LRRIQ3: variants seen among roughly 807,000 people sequenced by gnomAD.
LRRIQ3 encodes the protein leucine rich repeats and IQ motif containing 3.
Under a neutral mutation model 59.3 loss-of-function variants are expected in LRRIQ3, and 75 were observed. That is an observed-to-expected ratio of 1.26 (90% CI 1.05 to 1.53). The LOEUF is 1.53. Among genes scored for constraint, LRRIQ3 ranks in the 40% most tolerant of loss-of-function variants. The pLI is 0.00. For synonymous variants in LRRIQ3, 250 were observed against 231.3 expected, an observed-to-expected ratio of 1.08 and a Z score of -0.73; for missense variants, 831 against 710.0, an observed-to-expected ratio of 1.17 and a Z score of -1.94.
chr1:74,171,311 G>A (rs996989621), intron 3 of LRRIQ3, among the ~76,000 whole-genome samples: 1 of 152,058 alleles, frequency 6.6e-6, no homozygotes, highest in African/African-American at 2.4e-5. Flanking sequence ...TGCATTGAGG[G>A]AAACTCTTTC....
chr1:74,089,633 G>T (rs1484647544), intron 5 of LRRIQ3, among the ~76,000 whole-genome samples: 3 of 152,000 alleles, frequency 2.0e-5, no homozygotes, highest in Admixed American at 2.0e-4. Context: ...TAAATGCCAA[G>T]AATAGACAAA....
chr1:74,109,536 T>C lies in LRRIQ3; in HGVS notation c.725A>G (p.Lys242Arg). ...RKNLSPVFFH[K>R]KKQQEKIIRG... ...AATAATTTTTTCCTGCTGTTTTTTT[T>C]TGTGGAAAAACACAGGGCTGAATAT... is the stretch of plus-strand genomic sequence containing the variant. Residue 242 changes from lysine to arginine, a missense_variant, in exon 5 of 8, where the codon AAA becomes AGA. Coordinates refer to ENST00000354431, the MANE Select transcript of LRRIQ3 (RefSeq NM_001105659.2). The C allele has an allele frequency of 6.4e-7, 1 of 1,562,408 alleles. No individual in the cohort carries two copies.
chr1:74,147,082 G>T (rs1247290288), intron 4 of LRRIQ3, among the ~76,000 whole-genome samples: 1 of 152,016 alleles, frequency 6.6e-6, no homozygotes, highest in Non-Finnish European at 1.5e-5. Context: ...ACAAAAATGA[G>T]CCAGGCATGG....
At chr1:74,158,548 C>A (rs537247517) in intron 3 of LRRIQ3, among the ~76,000 whole-genome samples, 2 of 152,244 alleles carry the variant, frequency 1.3e-5, no homozygotes, top group African/African-American at 4.8e-5. Context: ...CCCAAGAAGA[C>A]TTTCTTGATG....
At chr1:74,080,030 T>G (rs1302740737) in intron 5 of LRRIQ3, among the ~76,000 whole-genome samples, 1 of 151,770 alleles carries the variant, frequency 6.6e-6, no homozygotes, top group Non-Finnish European at 1.5e-5. Context: ...TCTCTGAATT[T>G]TTTGGTGTTT....
At chr1:74,096,549 G>A (rs908185985) in intron 5 of LRRIQ3, among the ~76,000 whole-genome samples, 6 of 152,112 alleles carry the variant, frequency 3.9e-5, no homozygotes, top group East Asian at 3.9e-4. Context: ...CTCGCAACTC[G>A]TTAAAGTCAT....
At chr1:74,180,803 C>T (rs1012636107) in intron 3 of LRRIQ3, 1 of 1,548,846 alleles carries the variant, frequency 6.5e-7, no homozygotes, top group Admixed American at 2.0e-5. Flanking sequence ...TTTTCCACAT[C>T]CAAGGAAACA....
At chr1:74,065,739 A>G (rs1030270456) in intron 6 of LRRIQ3, among the ~76,000 whole-genome samples, 9 of 151,994 alleles carry the variant, frequency 5.9e-5, no homozygotes, top group Non-Finnish European at 1.2e-4. Context: ...ATATTAGCTC[A>G]CTCTTCTGGC....
At chr1:74,151,144 A>C (rs906004066) in intron 4 of LRRIQ3, among the ~76,000 whole-genome samples, 2 of 149,804 alleles carry the variant, frequency 1.3e-5, no homozygotes, top group African/African-American at 4.9e-5. Flanking sequence ...CAGCCTCCTG[A>C]GTAGCTGGGA....
intron 6 of LRRIQ3, among the ~76,000 whole-genome samples, chr1:74,054,050 C>T (rs1654450283): frequency 6.6e-6 from 1 of 152,048 alleles, no homozygotes; most frequent in African/African-American, 2.4e-5. Context: ...AAACTTGTGT[C>T]TGTACAAAAA....
At chr1:74,183,385 T>A (rs1353974553) in intron 2 of LRRIQ3, 51 bp downstream of exon 2, 7 of 1,471,400 alleles carry the variant, frequency 4.8e-6, no homozygotes, top group Non-Finnish European at 6.4e-6. Flanking sequence ...GTACTTATTA[T>A]AAGACTGAAA....
rs1651363757 is a variant in LRRIQ3, at chr1:74,198,152, G to C, written c.-157C>G. 1 of 1,502,626 alleles carries C rather than the reference G, an allele frequency of 6.7e-7. No individual in the cohort carries two copies. The highest frequency in any genetic ancestry group is 8.9e-7 in the Non-Finnish European group (1 of 1,128,906). 93.1% of individuals were successfully genotyped at this position (1,502,626 alleles called of 1,614,324 possible). ...CCACATCATGGTTTTCCGGGCGCCA[G>C]CCAAGGCGCTCCGGGGGCGTGGTTA... On this transcript the variant is annotated 5_prime_UTR_variant, in exon 1 of 8. Transcript: ENST00000354431.
intron 1 of LRRIQ3, among the ~76,000 whole-genome samples, 165 bp downstream of exon 1, chr1:74,197,831 G>A (rs1411187612): frequency 6.6e-6 from 1 of 152,196 alleles, no homozygotes; most frequent in Admixed American, 6.5e-5. Flanking sequence ...GAGAGATGGC[G>A]GAGATCTTCT....
intron 4 of LRRIQ3, among the ~76,000 whole-genome samples, chr1:74,139,890 T>G (rs2100633993): frequency 6.6e-6 from 1 of 152,030 alleles, no homozygotes; most frequent in African/African-American, 2.4e-5. Flanking sequence ...AATAAGCATA[T>G]TTTATTTGCT....
At chr1:74,197,348 A>C (rs1374442126) in intron 1 of LRRIQ3, among the ~76,000 whole-genome samples, 2 of 152,174 alleles carry the variant, frequency 1.3e-5, no homozygotes, top group Admixed American at 1.3e-4. Context: ...ATATTTCTTA[A>C]ATCTTTTATT....
chr1:74,091,122 T>C (rs1646390255), intron 5 of LRRIQ3, among the ~76,000 whole-genome samples: 1 of 152,060 alleles, frequency 6.6e-6, no homozygotes, highest in Non-Finnish European at 1.5e-5. Flanking sequence ...AAATCCCATG[T>C]TCACCAAAGT....
chr1:74,134,701 A>G (rs190381274), intron 4 of LRRIQ3, among the ~76,000 whole-genome samples: 5 of 152,032 alleles, frequency 3.3e-5, no homozygotes, highest in African/African-American at 1.2e-4. Flanking sequence ...GTAAAATGTG[A>G]TAAGATACAT....
chr1:74,129,392 C>T (rs1282198209), intron 4 of LRRIQ3, among the ~76,000 whole-genome samples: 1 of 151,982 alleles, frequency 6.6e-6, no homozygotes, highest in East Asian at 1.9e-4. Context: ...TGAGTATTAC[C>T]TGGTTACCTC....
intron 4 of LRRIQ3, among the ~76,000 whole-genome samples, chr1:74,120,394 G>C (rs895393475): frequency 6.6e-6 from 1 of 151,984 alleles, no homozygotes; most frequent in African/African-American, 2.4e-5. Flanking sequence ...GAGATTACAG[G>C]TGTGAGCCAC....
Sources: gnomAD v4.1 joint callset for allele counts (sites outside exome capture counted in the v4.1 genomes callset) on GRCh38, gnomAD v4.1.1 for gene constraint, MANE v1.5 for transcripts, NCBI Gene and HGNC (gene_info 2026-07-23, HGNC 2026-07-21) for gene names.